The following SMC3 variants were observed in gnomAD, a reference collection of about 807,000 sequenced individuals.
The protein encoded by SMC3 is structural maintenance of chromosomes protein 3.
Under a neutral mutation model 171.8 loss-of-function variants are expected in SMC3, and 20 were observed. That is an observed-to-expected ratio of 0.12 (90% CI 0.08 to 0.17). The LOEUF is 0.17. SMC3 is among the 10% of genes least tolerant of loss of function. The pLI is 1.00. For synonymous variants in SMC3, 464 were observed against 451.1 expected, an observed-to-expected ratio of 1.03 and a Z score of -0.36; for missense variants, 543 against 1,420.4, an observed-to-expected ratio of 0.38 and a Z score of 9.93.
Position 110,591,102 on chromosome 10 carries a change from T to C in SMC3, c.1782T>C (p.Asp594=). ...EVTFLPLNKL[D]VRDTAYPETN... ...CTTTTCTGCCTCTTAACAAGTTAGA[T>C]GTCAGGGATACAGCCTATCCTGAAA... The change falls in exon 17 of 29, where the codon GAT becomes GAC. Residue 594 remains aspartate, a synonymous_variant. Coordinates refer to ENST00000361804, the MANE Select transcript of SMC3 (RefSeq NM_005445.4). The C allele has an allele frequency of 6.2e-7, 1 of 1,613,954 alleles. No homozygotes were observed. Among genetic ancestry groups the C allele is most frequent in the Non-Finnish European group, 8.5e-7 (1 of 1,179,906 alleles).
intron 17 of SMC3, 150 bp from the exon 18 acceptor site, chr10:110,592,923 G>A: frequency 1.4e-6 from 1 of 705,898 alleles, no homozygotes; most frequent in Non-Finnish European, 2.4e-6. Flanking sequence ...AGTGGAATGA[G>A]TCTTCTAACT....
chr10:110,590,850 T>C (rs1216223465), intron 16 of SMC3, 141 bp from the exon 17 acceptor site: 2 of 785,802 alleles, frequency 2.5e-6, no homozygotes, highest in Non-Finnish European at 4.2e-6. Context: ...TGTTTGATGC[T>C]TAAGTGTTTA....
chr10:110,582,381 A>G (rs1197705825), intron 9 of SMC3, among the ~76,000 whole-genome samples, 181 bp from the exon 10 acceptor site: 1 of 152,142 alleles, frequency 6.6e-6, no homozygotes, highest in Non-Finnish European at 1.5e-5. Context: ...ATCCTAAACT[A>G]CACATTTTGT....
intron 27 of SMC3, 65 bp from the exon 28 acceptor site, chr10:110,603,119 G>A: frequency 6.5e-7 from 1 of 1,529,942 alleles, no homozygotes; most frequent in Admixed American, 1.7e-5. Context: ...AGTAAAGATA[G>A]TTGCTTTTTA....
At chr10:110,604,117 A>C (rs1048675254) in intron 28 of SMC3, 114 bp from the exon 29 acceptor site, 2 of 519,158 alleles carry the variant, frequency 3.9e-6, no homozygotes, top group African/African-American at 2.0e-5. Flanking sequence ...AAAAAAAAAA[A>C]CTAAAAATTA....
At chr10:110,597,720 G>A (rs1861322310) in intron 19 of SMC3, among the ~76,000 whole-genome samples, 1 of 152,208 alleles carries the variant, frequency 6.6e-6, no homozygotes, top group African/African-American at 2.4e-5. Context: ...TGATAATCCA[G>A]CTAGATTGAA....
At chr10:110,568,824 A>G in intron 1 of SMC3, 114 bp from the exon 2 acceptor site, 1 of 658,556 alleles carries the variant, frequency 1.5e-6, no homozygotes, top group African/African-American at 1.9e-5. Flanking sequence ...TTTTTCTTAT[A>G]TGAAATTTCG....
At chr10:110,584,445 T>A (rs1231114266) in intron 13 of SMC3, 49 bp downstream of exon 13, 1 of 1,348,108 alleles carries the variant, frequency 7.4e-7, no homozygotes, top group Non-Finnish European at 1.1e-6. Context: ...AAGAGATAAA[T>A]GTGTTTAGTT....
Position 110,584,403 on chromosome 10 carries a change from A to ACTT in SMC3, c.1305+10_1305+12dup. 1 of 1,583,118 alleles carries ACTT rather than the reference A, an allele frequency of 6.3e-7. No individual in the cohort carries two copies. Among genetic ancestry groups the ACTT allele is most frequent in the Non-Finnish European group, 8.7e-7 (1 of 1,153,462 alleles). ...AAATCTGGAGCAGTATAATGTAAGAACTTCTATAGCTGCTTTGTAAAAATC... is the reference window on the plus strand; with the variant it reads ...AAATCTGGAGCAGTATAATGTAAGAACTTCTTCTATAGCTGCTTTGTAAAAATC... On this transcript the variant is annotated splice_region_variant and intron_variant, in intron 13 of 28. Transcript: ENST00000361804.
intron 2 of SMC3, among the ~76,000 whole-genome samples, chr10:110,570,667 C>G (rs148902867): frequency 6.6e-6 from 1 of 152,114 alleles, no homozygotes; most frequent in Non-Finnish European, 1.5e-5. Context: ...TATAAATGAT[C>G]TGTAACTTAC....
intron 18 of SMC3, among the ~76,000 whole-genome samples, chr10:110,593,987 CA>C (rs913314841): frequency 7.4e-5 from 11 of 149,590 alleles, no homozygotes; most frequent in African/African-American, 1.7e-4. Flanking sequence ...GATCCTGTCT[CA>C]AAAAAAAAGA....
chr10:110,577,826 TTTTC>T lies in SMC3; in HGVS notation c.271-6_271-3del. 6.3e-7 allele frequency: 1 copy of T among 1,599,340 alleles called. No individual in the cohort carries two copies. The highest frequency in any genetic ancestry group is 1.1e-5 in the South Asian group (1 of 90,364). ...TAAATTAACTGTGGGCTTTTACATTTTTTCTTAGATCGATAAAGAGGAAGTTTCA... is the reference window on the plus strand; with the variant it reads ...TAAATTAACTGTGGGCTTTTACATTTTTAGATCGATAAAGAGGAAGTTTCA... On this transcript the variant is annotated splice_region_variant and splice_polypyrimidine_tract_variant and intron_variant, in intron 5 of 28. Transcript: ENST00000361804.
intron 7 of SMC3, among the ~76,000 whole-genome samples, chr10:110,580,107 A>G (rs1403142675): frequency 6.6e-6 from 1 of 152,216 alleles, no homozygotes; most frequent in Non-Finnish European, 1.5e-5. Context: ...AACTATTTAC[A>G]TAGCATTTAC....
chr10:110,596,343 A>AT, intron 18 of SMC3, 55 bp from the exon 19 acceptor site: 1 of 1,504,230 alleles, frequency 6.6e-7, no homozygotes, highest in Non-Finnish European at 9.0e-7. Flanking sequence ...TTATAAGTCA[A>AT]TTTATCATTG....
Position 110,581,040 on chromosome 10 carries a change from T to G in SMC3, c.547+19T>G. On this transcript the variant is annotated intron_variant, in intron 8 of 28. Transcript: ENST00000361804. ...GAAACAGGTAAAATAAATGTGATTC[T>G]GCCTTATTTTTTTGTTGCAAATTAC... The G allele has an allele frequency of 7.3e-7, 1 of 1,364,096 alleles. No individual in the cohort carries two copies. The highest frequency in any genetic ancestry group is 1.1e-6 in the Non-Finnish European group (1 of 952,018). The allele number at this position is 1,364,096 out of a possible 1,614,324, so 84.5% of individuals were successfully genotyped here.
At chr10:110,590,765 TTTCTCCC>T (rs1861193867) in intron 16 of SMC3, among the ~76,000 whole-genome samples, 193 bp downstream of exon 16, 1 of 152,200 alleles carries the variant, frequency 6.6e-6, no homozygotes, top group African/African-American at 2.4e-5. Flanking sequence ...CTTTTGGGAG[TTTCTCCC>T]TCCCCGCCAT....
At chr10:110,589,852 T>C in intron 14 of SMC3, 40 bp from the exon 15 acceptor site, 1 of 1,576,030 alleles carries the variant, frequency 6.3e-7, no homozygotes, top group East Asian at 2.2e-5. Flanking sequence ...CATCCTCATA[T>C]GTGTTTAAAA....
In SMC3 at chr10:110,589,996, G is replaced by C. The variant is rs745960768; in HGVS notation, c.1509+5G>C. On this transcript the variant is annotated splice_donor_5th_base_variant and intron_variant, in intron 15 of 28. Transcript: ENST00000361804. ...CTTAGAGCAGCAACAGGAAAGGTGG[G>C]CAGGTTCTTTTCATCACCTCTGTTT... is the stretch of plus-strand genomic sequence containing the variant. 4 of 1,612,962 alleles carry C rather than the reference G, an allele frequency of 2.5e-6. No individual in the cohort carries two copies. In the Admixed American group the frequency reaches 5.0e-5, roughly 20 times the overall value.
chr10:110,599,617 G>A (rs978024147), intron 20 of SMC3, 37 bp from the exon 21 acceptor site: 23 of 1,595,900 alleles, frequency 1.4e-5, no homozygotes, highest in South Asian at 7.8e-5. Flanking sequence ...TAATACAGTG[G>A]CTAATACCTT....
Sources: allele counts gnomAD v4.1 joint callset (sites outside exome capture counted in the v4.1 genomes callset), GRCh38; gene constraint gnomAD v4.1.1; transcripts MANE v1.5; gene names NCBI Gene and HGNC (gene_info 2026-07-23, HGNC 2026-07-21).